The following CCNT2 variants were observed in gnomAD, a reference collection of about 807,000 sequenced individuals.
CCNT2 encodes cyclin-T2.
A neutral mutation model predicts 70.0 loss-of-function variants in CCNT2; 18 were observed. That is an observed-to-expected ratio of 0.26 (90% CI 0.18 to 0.38). CCNT2 has a LOEUF of 0.38. Among genes scored for constraint, CCNT2 ranks in the 10% least tolerant of loss-of-function variants. The probability of loss-of-function intolerance (pLI) is 1.00; values close to 1 mark genes in which losing one functional copy is unlikely to be tolerated. For synonymous variants in CCNT2, 334 were observed against 313.3 expected (o/e 1.07, Z -0.70); for missense variants, 734 against 890.2 (o/e 0.82, Z 2.23).
chr2:134,954,359 GCAAAAGTTC>G lies in CCNT2; in HGVS notation c.1914_1922del (p.Lys639_Ser641del), dbSNP rs780545059. 6 of 1,614,140 alleles carry G rather than the reference GCAAAAGTTC, an allele frequency of 3.7e-6. No individual in the cohort carries two copies. Among genetic ancestry groups the G allele is most frequent in the Admixed American group, 1.7e-5 (1 of 60,012 alleles). On this transcript the variant is annotated inframe_deletion, in exon 9 of 9. Transcript: ENST00000264157. Reference sequence around the variant, plus strand: ...TCTCACAACCACCACTCCAAAATGAGCAAAAGTTCCAAAAGTTCAGGTAGTTCATCTAGT... The same window carrying G: ...TCTCACAACCACCACTCCAAAATGAGCAAAAGTTCAGGTAGTTCATCTAGT...
intron 2 of CCNT2, among the ~76,000 whole-genome samples, chr2:134,924,751 A>T (rs568036671): frequency 4.6e-5 from 7 of 152,092 alleles, no homozygotes; most frequent in Admixed American, 3.3e-4. Context: ...GCCCGGCCCC[A>T]GTATTCTTAC....
rs1682895112 is a variant in CCNT2, at chr2:134,955,919, T to A, written c.*1271T>A. The A allele has an allele frequency of 6.6e-6, 1 of 152,662 alleles. No homozygotes were observed. The highest frequency in any genetic ancestry group is 1.5e-5 in the Non-Finnish European group (1 of 68,036). The allele number at this position is 152,662 out of a possible 1,614,324, so 9.5% of individuals were successfully genotyped here. A position where few individuals can be genotyped will look rare whatever the true frequency, so the allele number is the denominator to read the frequency against. ...AAGGTCAGCCTCCCAGGCAAACCAG[T>A]AGTGGAGGTTTTACATTTGTTTGCA... On this transcript the variant is annotated 3_prime_UTR_variant, in exon 9 of 9. Transcript: ENST00000264157.
chr2:134,959,315 C>T lies in CCNT2; in HGVS notation c.*4667C>T, dbSNP rs1683082315. On this transcript the variant is annotated 3_prime_UTR_variant, in exon 9 of 9. Coordinates refer to ENST00000264157, the MANE Select transcript of CCNT2 (RefSeq NM_058241.3). ...TTAAGCTTCTTATCCATACAAGGAA[C>T]TAATAAAATGTTTATTGACAACATA... is the stretch of plus-strand genomic sequence containing the variant. 1 of 152,130 alleles carries T rather than the reference C, an allele frequency of 6.6e-6. No individual in the cohort carries two copies. The highest frequency in any genetic ancestry group is 2.4e-5 in the African/African-American group (1 of 41,412). 9.4% of individuals were successfully genotyped at this position (152,130 alleles called of 1,614,324 possible). A position where few individuals can be genotyped will look rare whatever the true frequency, so the allele number is the denominator to read the frequency against.
intron 1 of CCNT2, among the ~76,000 whole-genome samples, chr2:134,919,576 G>A (rs754876072): frequency 1.4e-4 from 21 of 152,066 alleles, no homozygotes; most frequent in Admixed American, 2.0e-4. Context: ...TAGTTCCAGG[G>A]CCCTCAGCGC....
chr2:134,931,477 T>C (rs1004578234), intron 2 of CCNT2, among the ~76,000 whole-genome samples: 2 of 151,884 alleles, frequency 1.3e-5, no homozygotes, highest in Admixed American at 6.6e-5. Context: ...GTAATAACTT[T>C]TGAATTTAGG....
intron 5 of CCNT2, chr2:134,944,959 C>A: frequency 1.0e-6 from 1 of 985,240 alleles, no homozygotes; most frequent in Non-Finnish European, 1.2e-6. Flanking sequence ...TCTGTGAAGT[C>A]TTTTTCTCCC....
intron 2 of CCNT2, among the ~76,000 whole-genome samples, chr2:134,932,827 T>C (rs1417326598): frequency 2.0e-5 from 3 of 152,244 alleles, no homozygotes; most frequent in Non-Finnish European, 4.4e-5. Flanking sequence ...TCTCTTGTCT[T>C]TCCTCTACTT....
rs1312707210 is a variant in CCNT2 at position 134,942,664 on chromosome 2, G to A, written c.483G>A (p.Gln161=). 3.7e-6 allele frequency: 6 copies of A among 1,609,048 alleles called. No individual in the cohort carries two copies. The highest frequency in any genetic ancestry group is 5.1e-6 in the Non-Finnish European group (6 of 1,177,906). ...HPHTDVVKCT[Q]LVRASKDLAQ... is the part of the protein sequence containing the mutation. ...ACACAGATGTGGTGAAATGTACCCAGTTAGTAAGAGGTAGGTGATCCTTGA... is the reference window on the plus strand; with the variant it reads ...ACACAGATGTGGTGAAATGTACCCAATTAGTAAGAGGTAGGTGATCCTTGA... Residue 161 remains glutamine, a synonymous_variant, in exon 5 of 9, where the codon CAG becomes CAA. Transcript: ENST00000264157.
At chr2:134,922,385 A>C (rs551691063) in intron 2 of CCNT2, among the ~76,000 whole-genome samples, 237 of 152,344 alleles carry the variant, frequency 1.6e-3, no homozygotes, top group African/African-American at 5.2e-3. Flanking sequence ...ACATATTAAA[A>C]GTTTTAAAAC....
In CCNT2 at chr2:134,954,641, A is replaced by T; in HGVS notation, c.2186A>T (p.Asn729Ile). 2 of 1,588,778 alleles carry T rather than the reference A, an allele frequency of 1.3e-6. No homozygotes were observed. Among genetic ancestry groups the T allele is most frequent in the Non-Finnish European group, 1.7e-6 (2 of 1,161,210 alleles). ...LDSLLSAQGM[N>I]M ...TCACTGTTAAGTGCCCAAGGAATGA[A>T]CATGTAATAATTTGTTTAGGTCAAT... The change falls in exon 9 of 9, where the codon AAC (asparagine) becomes ATC (isoleucine). Residue 729 changes from asparagine (N) to isoleucine (I), a missense_variant. Asn to Ile is a moderately radical substitution (Grantham distance 149, BLOSUM62 -3). Transcript: ENST00000264157.
intron 2 of CCNT2, among the ~76,000 whole-genome samples, chr2:134,924,841 G>A (rs980033804): frequency 6.6e-6 from 1 of 152,078 alleles, no homozygotes; most frequent in Admixed American, 6.6e-5. Context: ...TTAAAAATTT[G>A]GTAAGTCTTT....
intron 4 of CCNT2, among the ~76,000 whole-genome samples, chr2:134,939,313 G>A (rs1395507530): frequency 1.3e-5 from 2 of 152,130 alleles, no homozygotes. Flanking sequence ...GAAGTACTGT[G>A]CTTCACTCTG....
At chr2:134,934,466 A>G (rs2105042997) in intron 2 of CCNT2, among the ~76,000 whole-genome samples, 1 of 152,334 alleles carries the variant, frequency 6.6e-6, no homozygotes, top group East Asian at 1.9e-4. Flanking sequence ...CTGTTACCCA[A>G]AACATTTGGA....
chr2:134,926,730 G>A (rs1479250192), intron 2 of CCNT2, among the ~76,000 whole-genome samples: 2 of 152,140 alleles, frequency 1.3e-5, no homozygotes, highest in Non-Finnish European at 2.9e-5. Flanking sequence ...TGACATAGTA[G>A]CCTGTTTTTT....
intron 7 of CCNT2, among the ~76,000 whole-genome samples, chr2:134,949,395 T>C (rs767029775): frequency 2.6e-5 from 4 of 152,226 alleles, no homozygotes; most frequent in Non-Finnish European, 5.9e-5. Context: ...AAAGCAGCCA[T>C]AGGCAATTTG....
Position 134,956,144 on chromosome 2 carries a change from G to A in CCNT2, c.*1496G>A, listed in dbSNP as rs1682908567. The A allele has an allele frequency of 2.0e-5, 3 of 152,566 alleles. No homozygotes were observed. The highest frequency in any genetic ancestry group is 2.0e-4 in the Admixed American group (3 of 15,282). 9.5% of individuals were successfully genotyped at this position (152,566 alleles called of 1,614,324 possible). A position where few individuals can be genotyped will look rare whatever the true frequency, so the allele number is the denominator to read the frequency against. On this transcript the variant is annotated 3_prime_UTR_variant, in exon 9 of 9. Coordinates refer to ENST00000264157, the MANE Select transcript of CCNT2 (RefSeq NM_058241.3). ...GATTGATTGGATTCGACCTCTTGTTGAACTGAAAACTTAATTTTTTCTCTG... is the reference window on the plus strand; with the variant it reads ...GATTGATTGGATTCGACCTCTTGTTAAACTGAAAACTTAATTTTTTCTCTG...
At chr2:134,949,809 G>T (rs890573601) in intron 7 of CCNT2, among the ~76,000 whole-genome samples, 9 of 135,518 alleles carry the variant, frequency 6.6e-5, no homozygotes, top group Admixed American at 5.2e-4. Flanking sequence ...TTTCGGGGGG[G>T]GGGTGGGGGA....
At chr2:134,920,075 C>T in intron 2 of CCNT2, 184 bp downstream of exon 2, 1 of 521,072 alleles carries the variant, frequency 1.9e-6, no homozygotes, top group East Asian at 3.4e-5. Flanking sequence ...ATGAATTAAA[C>T]TGCAAGGCAC....
intron 6 of CCNT2, among the ~76,000 whole-genome samples, chr2:134,946,677 T>G (rs1681994493): frequency 7.3e-6 from 1 of 136,594 alleles, no homozygotes; most frequent in South Asian, 2.4e-4. Context: ...TAAACACAAT[T>G]TTTCCTTTTT....
Sources: gnomAD v4.1 joint callset for allele counts (sites outside exome capture counted in the v4.1 genomes callset) on GRCh38, gnomAD v4.1.1 for gene constraint, MANE v1.5 for transcripts, NCBI Gene and HGNC (gene_info 2026-07-23, HGNC 2026-07-21) for gene names.